PTCD2: variants seen among roughly 807,000 people sequenced by gnomAD.
PTCD2 encodes pentatricopeptide repeat-containing protein 2, mitochondrial.
A neutral mutation model predicts 42.6 loss-of-function variants in PTCD2; 31 were observed. The observed-to-expected ratio is 0.73, with a 90% CI of 0.55 to 0.98. The LOEUF (loss-of-function observed/expected upper bound fraction) is 0.98. Among genes scored for constraint, PTCD2 ranks in the 50% least tolerant of loss-of-function variants. The pLI is 0.00. For synonymous variants in PTCD2, 183 were observed against 170.9 expected (o/e 1.07, Z -0.55); for missense variants, 476 against 454.8 (o/e 1.05, Z -0.42).
chr5:72,351,487 T>C (rs912404343), intron 8 of PTCD2, among the ~76,000 whole-genome samples: 3 of 152,196 alleles, frequency 2.0e-5, no homozygotes, highest in Non-Finnish European at 2.9e-5. Context: ...GTTACTGTTA[T>C]CCATTTTCAC....
At position 72,358,861 on chromosome 5, in the gene PTCD2, A is replaced by G. The variant is rs745453080; in HGVS notation, c.*434A>G. Reference sequence around the variant, plus strand: ...ATTTTACCATGTTAGAAAACAGCCCAGGATTTTCTCATTGCTCTGCCATCA... The same window carrying G: ...ATTTTACCATGTTAGAAAACAGCCCGGGATTTTCTCATTGCTCTGCCATCA... On this transcript the variant is annotated 3_prime_UTR_variant, in exon 10 of 10. Coordinates refer to ENST00000380639, the MANE Select transcript of PTCD2 (RefSeq NM_024754.5). The G allele has an allele frequency of 5.3e-6, 1 of 190,196 alleles. No homozygotes were observed. The highest frequency in any genetic ancestry group is 2.4e-5 in the African/African-American group (1 of 42,512). The allele number at this position is 190,196 out of a possible 1,614,324, so 11.8% of individuals were successfully genotyped here.
intron 2 of PTCD2, 61 bp from the exon 3 acceptor site, chr5:72,326,551 T>C: frequency 6.3e-7 from 1 of 1,591,098 alleles, no homozygotes; most frequent in Non-Finnish European, 8.6e-7. Flanking sequence ...CTTCCTGAGG[T>C]CAGACTCCTT....
chr5:72,334,946 A>C, intron 4 of PTCD2, 72 bp from the exon 5 acceptor site: 1 of 882,384 alleles, frequency 1.1e-6, no homozygotes, highest in Non-Finnish European at 1.9e-6. Flanking sequence ...TGGCTAGATA[A>C]GAGACAGTAA....
At chr5:72,324,929 T>G (rs1008305456) in intron 2 of PTCD2, among the ~76,000 whole-genome samples, 6 of 152,198 alleles carry the variant, frequency 3.9e-5, no homozygotes, top group South Asian at 2.1e-4. Context: ...AGGTGTTGTT[T>G]TTTTTTTTTC....
intron 4 of PTCD2, among the ~76,000 whole-genome samples, chr5:72,332,422 T>G (rs1448461833): frequency 6.6e-6 from 1 of 152,164 alleles, no homozygotes; most frequent in African/African-American, 2.4e-5. Flanking sequence ...TAACAAAATA[T>G]AAATACATAG....
At chr5:72,341,290 C>T (rs1379815330) in intron 7 of PTCD2, among the ~76,000 whole-genome samples, 3 of 152,080 alleles carry the variant, frequency 2.0e-5, no homozygotes, top group South Asian at 2.1e-4. Flanking sequence ...GTGATCTGCC[C>T]GCCACAGCCT....
chr5:72,330,488 T>C (rs1247578506), intron 3 of PTCD2, among the ~76,000 whole-genome samples: 1 of 152,220 alleles, frequency 6.6e-6, no homozygotes, highest in Non-Finnish European at 1.5e-5. Flanking sequence ...TCTTAATGAA[T>C]AAGTCTTTCT....
At chr5:72,344,646 A>G (rs957347163) in intron 8 of PTCD2, among the ~76,000 whole-genome samples, 15 of 152,294 alleles carry the variant, frequency 9.8e-5, no homozygotes, top group Middle Eastern at 3.4e-3. Context: ...CCTGCCCCCA[A>G]TAGTCACGTA....
In PTCD2 at chr5:72,368,135, T is replaced by C. The variant is rs916356110; in HGVS notation, c.*9708T>C. On this transcript the variant is annotated 3_prime_UTR_variant, in exon 10 of 10. Coordinates refer to ENST00000380639, the MANE Select transcript of PTCD2 (RefSeq NM_024754.5). Reference sequence around the variant, plus strand: ...ACTTTGCAGGTGTAGACATGACTTTTAGGTTGTTGATGATTTAATGCTATT... The same window carrying C: ...ACTTTGCAGGTGTAGACATGACTTTCAGGTTGTTGATGATTTAATGCTATT... 1 of 152,244 alleles carries C rather than the reference T, an allele frequency of 6.6e-6. No individual in the cohort carries two copies. Among genetic ancestry groups the C allele is most frequent in the African/African-American group, 2.4e-5 (1 of 41,452 alleles). The allele number at this position is 152,244 out of a possible 1,614,324, so 9.4% of individuals were successfully genotyped here.
rs1753225843 is a variant in PTCD2 at position 72,367,219 on chromosome 5, A to G, written c.*8792A>G. ...AGAATAGGTCAAAGATGAAATTCCC[A>G]TTATCATGAAACTTTAATATATATT... On this transcript the variant is annotated 3_prime_UTR_variant, in exon 10 of 10. Coordinates refer to ENST00000380639, the MANE Select transcript of PTCD2 (RefSeq NM_024754.5). 6.6e-6 allele frequency: 1 copy of G among 152,226 alleles called. No individual in the cohort carries two copies. The highest frequency in any genetic ancestry group is 2.1e-4 in the South Asian group (1 of 4,828). 9.4% of individuals were successfully genotyped at this position (152,226 alleles called of 1,614,324 possible). A position where few individuals can be genotyped will look rare whatever the true frequency, so the allele number is the denominator to read the frequency against.
rs995412526 is a variant in PTCD2 at position 72,365,810 on chromosome 5, C to G, written c.*7383C>G. On this transcript the variant is annotated 3_prime_UTR_variant, in exon 10 of 10. Coordinates refer to ENST00000380639, the MANE Select transcript of PTCD2 (RefSeq NM_024754.5). ...CATTTCCAATTTAGAAGATCATAAT[C>G]GATTTTTAACACATTGGTCCTTAGG... The G allele has an allele frequency of 1.3e-5, 2 of 152,044 alleles. No homozygotes were observed. Among genetic ancestry groups the G allele is most frequent in the African/African-American group, 4.8e-5 (2 of 41,376 alleles). 9.4% of individuals were successfully genotyped at this position (152,044 alleles called of 1,614,324 possible).
Position 72,326,634 on chromosome 5 carries a change from A to T in PTCD2, c.243A>T (p.Lys81Asn). Residue 81 changes from lysine to asparagine, a missense_variant, in exon 3 of 10, where the codon AAA (lysine) becomes AAT (asparagine). Lys to Asn is a moderately conservative substitution (Grantham distance 94, BLOSUM62 0). Coordinates refer to ENST00000380639, the MANE Select transcript of PTCD2 (RefSeq NM_024754.5). ...CAGAAACGTATTTTAGAAACTTGAA[A>T]AAGAAACTGACCCAGAACAAGCTCA... is the stretch of plus-strand genomic sequence containing the variant. Reference protein sequence around the residue: ...GTKETYFRNLKKKLTQNKLIL... With the variant: ...GTKETYFRNLNKKLTQNKLIL... 6.2e-7 allele frequency: 1 copy of T among 1,614,212 alleles called. No homozygotes were observed. The highest frequency in any genetic ancestry group is 8.5e-7 in the Non-Finnish European group (1 of 1,180,038).
rs1258812145 is a variant in PTCD2, at chr5:72,360,114, T to C, written c.*1687T>C. ...AATATTGAATTTCTTGTCCTTGTGCTCTGTGAAACATTGAACAGCCCCATT... is the reference window on the plus strand; with the variant it reads ...AATATTGAATTTCTTGTCCTTGTGCCCTGTGAAACATTGAACAGCCCCATT... On this transcript the variant is annotated 3_prime_UTR_variant, in exon 10 of 10. Transcript: ENST00000380639. The C allele has an allele frequency of 6.6e-6, 1 of 152,100 alleles. No individual in the cohort carries two copies. Among genetic ancestry groups the C allele is most frequent in the Non-Finnish European group, 1.5e-5 (1 of 68,042 alleles). 9.4% of individuals were successfully genotyped at this position (152,100 alleles called of 1,614,324 possible).
chr5:72,322,270 A>G lies in PTCD2; in HGVS notation c.220+6A>G, dbSNP rs56668693. On this transcript the variant is annotated splice_donor_region_variant and intron_variant, in intron 2 of 9. Coordinates refer to ENST00000380639, the MANE Select transcript of PTCD2 (RefSeq NM_024754.5). ...TAATCTTTCTGGCACTAAAGGTAAT[A>G]GAATCTATTTTGTTAATTCTGTCAT... 1.9e-4 allele frequency: 282 copies of G among 1,517,406 alleles called. No homozygotes were observed. In the African/African-American group the frequency reaches 3.5e-3, roughly 19 times the overall value. The allele number at this position is 1,517,406 out of a possible 1,614,324, so 94.0% of individuals were successfully genotyped here.
At chr5:72,351,679 T>C (rs1752627942) in intron 8 of PTCD2, among the ~76,000 whole-genome samples, 1 of 152,150 alleles carries the variant, frequency 6.6e-6, no homozygotes. Context: ...CTGCCACTTA[T>C]AAAACCATCA....
At chr5:72,322,075 A>G (rs999458390) in intron 1 of PTCD2, 97 bp from the exon 2 acceptor site, 11 of 682,552 alleles carry the variant, frequency 1.6e-5, no homozygotes, top group Admixed American at 8.9e-5. Flanking sequence ...TGGATTATCT[A>G]TAATAGATGT....
At position 72,331,261 on chromosome 5, in the gene PTCD2, C is replaced by T; in HGVS notation, c.354C>T (p.Tyr118=). ...VELAKNVIYR[Y]HAENKNFTLG... ...ATTGAATCATTTTCATTACCAGGTA[C>T]CATGCAGAGAACAAAAATTTCACTT... The change falls in exon 4 of 10, where the codon TAC becomes TAT. Residue 118 remains tyrosine, a synonymous_variant. Coordinates refer to ENST00000380639, the MANE Select transcript of PTCD2 (RefSeq NM_024754.5). 6.2e-7 allele frequency: 1 copy of T among 1,600,030 alleles called. No individual in the cohort carries two copies. Among genetic ancestry groups the T allele is most frequent in the Non-Finnish European group, 8.6e-7 (1 of 1,167,178 alleles).
At position 72,358,310 on chromosome 5, in the gene PTCD2, G is replaced by T. The variant is rs941169758; in HGVS notation, c.1050G>T (p.Leu350Phe). 6.2e-7 allele frequency: 1 copy of T among 1,613,836 alleles called. No individual in the cohort carries two copies. Among genetic ancestry groups the T allele is most frequent in the Non-Finnish European group, 8.5e-7 (1 of 1,179,964 alleles). The change falls in exon 10 of 10, where the codon TTG (leucine) becomes TTT (phenylalanine). Residue 350 changes from leucine to phenylalanine, a missense_variant. Physicochemically the swap from Leu to Phe is conservative, Grantham distance 22. Coordinates refer to ENST00000380639, the MANE Select transcript of PTCD2 (RefSeq NM_024754.5). ...HITGQVTTDS[L>F]DAVLCHTPRD... is the part of the protein sequence containing the mutation. ...CTGGCCAGGTCACCACTGATTCTTT[G>T]GATGCTGTGCTCTGCCACACCCCCA...
At position 72,364,501 on chromosome 5, in the gene PTCD2, C is replaced by T. The variant is rs1260660091; in HGVS notation, c.*6074C>T. 6.6e-6 allele frequency: 1 copy of T among 152,184 alleles called. No individual in the cohort carries two copies. Among genetic ancestry groups the T allele is most frequent in the African/African-American group, 2.4e-5 (1 of 41,430 alleles). The allele number at this position is 152,184 out of a possible 1,614,324, so 9.4% of individuals were successfully genotyped here. On this transcript the variant is annotated 3_prime_UTR_variant, in exon 10 of 10. Transcript: ENST00000380639. ...ATCTTTTTCTCCATATCCGGTCTCTCCTGAAGAACAGAGTATTCTACATTT... is the reference window on the plus strand; with the variant it reads ...ATCTTTTTCTCCATATCCGGTCTCTTCTGAAGAACAGAGTATTCTACATTT...
Sources: allele counts gnomAD v4.1 joint callset (sites outside exome capture counted in the v4.1 genomes callset), GRCh38; gene constraint gnomAD v4.1.1; transcripts MANE v1.5; gene names NCBI Gene and HGNC (gene_info 2026-07-23, HGNC 2026-07-21).